The following SLC41A3 variants were observed in gnomAD, a reference collection of about 807,000 sequenced individuals.
SLC41A3 encodes the protein solute carrier family 41 member 3, also known as SLC41A1-like 2.
Under a neutral mutation model 45.4 loss-of-function variants are expected in SLC41A3, and 44 were observed. The ratio of observed to expected loss-of-function variants is 0.97; its 90% CI spans 0.76 to 1.25. SLC41A3 has a LOEUF of 1.25. SLC41A3 is among the 50% of genes most tolerant of loss of function. The pLI, the probability that SLC41A3 is intolerant of heterozygous loss-of-function variation, is 0.00. For missense variants in SLC41A3, 550 were observed against 600.6 expected, an observed-to-expected ratio of 0.92 and a Z score of 0.88; for synonymous variants, 256 against 252.4, an observed-to-expected ratio of 1.01 and a Z score of -0.13.
intron 1 of SLC41A3, among the ~76,000 whole-genome samples, chr3:126,074,556 C>T (rs62263491): frequency 0.14 from 21,047 of 152,168 alleles, 1,645 homozygotes; most frequent in African/African-American, 0.18. Context: ...GATCCACATA[C>T]ACACAAACTA....
chr3:126,081,022 A>C (rs1183726937), intron 1 of SLC41A3, among the ~76,000 whole-genome samples: 1 of 152,204 alleles, frequency 6.6e-6, no homozygotes, highest in African/African-American at 2.4e-5. Context: ...TACATATCCA[A>C]AAGAAAGGAA....
chr3:126,082,382 CAG>C (rs1252770787), intron 1 of SLC41A3, among the ~76,000 whole-genome samples: 2 of 152,226 alleles, frequency 1.3e-5, no homozygotes, highest in African/African-American at 4.8e-5. Context: ...GTTGTCCCGA[CAG>C]GGGGTGATAC....
Position 126,026,255 on chromosome 3 carries a change from C to T in SLC41A3, c.598+80G>A, listed in dbSNP as rs936482187. The T allele has an allele frequency of 6.6e-7, 1 of 1,520,196 alleles. No homozygotes were observed. Among genetic ancestry groups the T allele is most frequent in the Non-Finnish European group, 8.9e-7 (1 of 1,129,596 alleles). The allele number at this position is 1,520,196 out of a possible 1,614,324, so 94.2% of individuals were successfully genotyped here. On this transcript the variant is annotated intron_variant, in intron 5 of 10. Coordinates refer to ENST00000360370, the MANE Select transcript of SLC41A3 (RefSeq NM_017836.4). This position sits in a 1 kb window ranked among gnomAD's most constrained non-coding sequence, Gnocchi z 4.2. ...GCAGTGGGACTCACACCCCCAGAAA[C>T]TGAAAACACAATGAGCTCTGAGGTG...
At chr3:126,021,188 C>A (rs1441715871) in intron 6 of SLC41A3, among the ~76,000 whole-genome samples, 1 of 152,160 alleles carries the variant, frequency 6.6e-6, no homozygotes, top group Non-Finnish European at 1.5e-5. Flanking sequence ...GCCACCGCGC[C>A]TGGCCTGTTT....
chr3:126,087,603 GAGGTAATTTTTGGTAAAGA>G (rs562116846), upstream of SLC41A3, among the ~76,000 whole-genome samples: 42 of 152,086 alleles, frequency 2.8e-4, no homozygotes, highest in African/African-American at 9.6e-4. Flanking sequence ...AAGACATAAA[GAGGTAATTTTTGGTAAAGA>G]AGGTAAAAAG....
chr3:126,067,423 C>G, intron 2 of SLC41A3: 1 of 209,308 alleles, frequency 4.8e-6, no homozygotes, highest in Non-Finnish European at 1.0e-5. Context: ...GGCCCTAACC[C>G]AATCTGATGG....
At chr3:126,084,906 C>T (rs978576757), upstream of SLC41A3, among the ~76,000 whole-genome samples, 3 of 152,172 alleles carry the variant, frequency 2.0e-5, no homozygotes, top group African/African-American at 4.8e-5. Context: ...CCGAACATGC[C>T]TCATTATCCC....
chr3:126,030,923 T>C (rs1484323267), intron 4 of SLC41A3, among the ~76,000 whole-genome samples: 1 of 152,258 alleles, frequency 6.6e-6, no homozygotes, highest in East Asian at 1.9e-4. Flanking sequence ...AATTTATCTA[T>C]ATACCTTCTG....
intron 3 of SLC41A3, among the ~76,000 whole-genome samples, chr3:126,038,980 A>G (rs559804664): frequency 9.9e-5 from 15 of 152,118 alleles, no homozygotes; most frequent in African/African-American, 3.6e-4. Context: ...GGAGCTGATT[A>G]AGAGTTTAGC....
At chr3:126,008,501 A>G (rs1267116883) in intron 10 of SLC41A3, among the ~76,000 whole-genome samples, 1 of 149,014 alleles carries the variant, frequency 6.7e-6, no homozygotes, top group Non-Finnish European at 1.5e-5. Flanking sequence ...TGTGGTGTGG[A>G]GTGTGTGGGA....
intron 5 of SLC41A3, chr3:126,024,926 C>G (rs1941212076): frequency 6.6e-6 from 1 of 152,174 alleles, no homozygotes; most frequent in East Asian, 1.9e-4. Context: ...TGGGGAGAGA[C>G]AGTACACACA....
chr3:126,039,536 A>G (rs893672036), intron 3 of SLC41A3, among the ~76,000 whole-genome samples: 5 of 152,200 alleles, frequency 3.3e-5, no homozygotes, highest in Non-Finnish European at 5.9e-5. Context: ...CTTGTCACCA[A>G]TACTGCTGAC....
chr3:126,014,210 T>C (rs1049577765), intron 8 of SLC41A3, among the ~76,000 whole-genome samples: 15 of 152,184 alleles, frequency 9.9e-5, no homozygotes, highest in African/African-American at 3.4e-4. Context: ...ACAATTGTCT[T>C]CAGGCAGAGG....
In SLC41A3 at chr3:126,026,677, G is replaced by A. The variant is rs754238118; in HGVS notation, c.454-198C>T. Among the ~76,000 whole-genome samples, 10 of 152,146 alleles carry A rather than the reference G, an allele frequency of 6.6e-5. No individual in the cohort carries two copies. The highest frequency in any genetic ancestry group is 1.3e-4 in the Admixed American group (2 of 15,286). On this transcript the variant is annotated intron_variant, in intron 4 of 10. Coordinates refer to ENST00000360370, the MANE Select transcript of SLC41A3 (RefSeq NM_017836.4). The surrounding 1 kb of genome is among the most constrained non-coding windows in gnomAD (Gnocchi z 4.2). ...CACCTGCCTTGAACTCAACTCCTCC[G>A]AAACCACGCTGGCCACCTCTGCTCC...
At chr3:126,078,937 A>C (rs1443988918) in intron 1 of SLC41A3, 2 of 152,148 alleles carry the variant, frequency 1.3e-5, no homozygotes, top group African/African-American at 4.8e-5. Context: ...TTCATGGCAA[A>C]ACTATACAAA....
intron 4 of SLC41A3, among the ~76,000 whole-genome samples, chr3:126,031,901 G>T (rs574163702): frequency 6.6e-6 from 1 of 152,238 alleles, no homozygotes; most frequent in Admixed American, 6.5e-5. Context: ...GTGCTAGCCC[G>T]TAAGACTCAG....
intron 2 of SLC41A3, chr3:126,057,168 C>T: frequency 2.0e-6 from 2 of 985,382 alleles, no homozygotes; most frequent in Non-Finnish European, 2.4e-6. Flanking sequence ...GGTCCCCAAG[C>T]AGGAAGCCAC....
chr3:126,092,377 C>T (rs918697783), intron 1 of SLC41A3, among the ~76,000 whole-genome samples: 1 of 152,250 alleles, frequency 6.6e-6, no homozygotes, highest in African/African-American at 2.4e-5. Flanking sequence ...TCGGCCCATC[C>T]CTTCATTTCC....
chr3:126,046,879 T>C (rs1942994453), intron 3 of SLC41A3, among the ~76,000 whole-genome samples: 1 of 151,522 alleles, frequency 6.6e-6, no homozygotes, highest in Non-Finnish European at 1.5e-5. Flanking sequence ...GGAGAATTGT[T>C]TGAATCTGGG....
Sources: allele counts gnomAD v4.1 joint callset (sites outside exome capture counted in the v4.1 genomes callset), GRCh38; gene constraint gnomAD v4.1.1; non-coding constraint Gnocchi (gnomAD v3.1); transcripts MANE v1.5; gene names NCBI Gene and HGNC (gene_info 2026-07-23, HGNC 2026-07-21).